The following KIF9 variants were observed in gnomAD, a reference collection of about 807,000 sequenced individuals.
The protein encoded by KIF9 is kinesin-like protein KIF9.
Under a neutral mutation model 94.8 loss-of-function variants are expected in KIF9, and 68 were observed. That is an observed-to-expected ratio of 0.72 (90% CI 0.59 to 0.88). KIF9 has a LOEUF of 0.88. Among genes scored for constraint, KIF9 ranks in the 40% least tolerant of loss-of-function variants. The pLI is 0.00. For synonymous variants in KIF9, 343 were observed against 362.1 expected, an observed-to-expected ratio of 0.95 and a Z score of 0.60; for missense variants, 882 against 982.5, an observed-to-expected ratio of 0.90 and a Z score of 1.37.
intron 20 of KIF9, among the ~76,000 whole-genome samples, chr3:47,233,715 A>G (rs576737205): frequency 1.1e-4 from 17 of 152,076 alleles, no homozygotes; most frequent in East Asian, 5.8e-4. Flanking sequence ...GAAAAGAAAA[A>G]AAAAAGACAC....
intron 2 of KIF9, among the ~76,000 whole-genome samples, chr3:47,275,861 G>A (rs1474161249): frequency 6.6e-6 from 1 of 152,236 alleles, no homozygotes; most frequent in African/African-American, 2.4e-5. Context: ...AGAGGGAATA[G>A]TGAGCCTGGT....
At chr3:47,246,463 T>A (rs904129079) in intron 12 of KIF9, 5 of 356,814 alleles carry the variant, frequency 1.4e-5, no homozygotes, top group Non-Finnish European at 2.0e-5. Flanking sequence ...TAAAACTAAG[T>A]ATTTGCTGAG....
intron 20 of KIF9, among the ~76,000 whole-genome samples, chr3:47,231,046 A>AAT (rs1698536897): frequency 6.6e-6 from 1 of 152,040 alleles, no homozygotes; most frequent in Admixed American, 6.6e-5. Context: ...CTAAAAAAAA[A>AAT]AGTTACCTAA....
rs950196503 is a variant in KIF9 at position 47,273,456 on chromosome 3, G to C, written c.366+96C>G. ...TCCACTGCAACTCCTTTGAGGCCTG[G>C]TCCCCACTGTCTCTAGTAGCTGGCC... On this transcript the variant is annotated intron_variant, in intron 4 of 20. Transcript: ENST00000684063. 3 of 898,738 alleles carry C rather than the reference G, an allele frequency of 3.3e-6. No homozygotes were observed. In the African/African-American group the frequency reaches 5.0e-5, roughly 15 times the overall value. The allele number at this position is 898,738 out of a possible 1,614,324, so 55.7% of individuals were successfully genotyped here.
chr3:47,244,898 G>A lies in KIF9; in HGVS notation c.1407C>T (p.His469=), dbSNP rs1214357553. The change falls in exon 15 of 21, where the codon CAC becomes CAT. Residue 469 remains histidine (H), a synonymous_variant. Transcript: ENST00000684063. ...TTTGTCCTTCAGGCTCACCCACTAG[G>A]TGGCCATCAACATCCACAAGCCCCG... ...QKAGLVDVDG[H]LVGEPEGQNF... 3 of 1,614,030 alleles carry A rather than the reference G, an allele frequency of 1.9e-6. No homozygotes were observed. In the Middle Eastern group the frequency reaches 4.9e-4, roughly 266 times the overall value.
Position 47,265,853 on chromosome 3 carries a change from C to T in KIF9, c.793G>A (p.Ala265Thr). The T allele has an allele frequency of 2.5e-6, 4 of 1,614,172 alleles. No homozygotes were observed. Among genetic ancestry groups the T allele is most frequent in the Non-Finnish European group, 3.4e-6 (4 of 1,180,026 alleles). The change falls in exon 8 of 21, where the codon GCC becomes ACC. Residue 265 changes from alanine to threonine, a missense_variant. Physicochemically the swap from Ala to Thr is moderately conservative, Grantham distance 58. Coordinates refer to ENST00000684063, the MANE Select transcript of KIF9 (RefSeq NM_182902.4). ...GAGAGCGATTTGTTGATGTAGGTGGCTTCCTTCAGGACTTGGCCCTCAGAC... is the reference window on the plus strand; with the variant it reads ...GAGAGCGATTTGTTGATGTAGGTGGTTTCCTTCAGGACTTGGCCCTCAGAC... Reference protein sequence around the residue: ...SGSEGQVLKEATYINKSLSFL... With the variant: ...SGSEGQVLKETTYINKSLSFL...
intron 10 of KIF9, among the ~76,000 whole-genome samples, chr3:47,251,903 T>C (rs930115802): frequency 3.9e-5 from 6 of 152,170 alleles, no homozygotes; most frequent in Admixed American, 3.9e-4. Flanking sequence ...CTGCAGGTTA[T>C]CAGGCCAACT....
At chr3:47,245,279 G>C (rs1173496648) in intron 14 of KIF9, 142 bp downstream of exon 14, 2 of 733,624 alleles carry the variant, frequency 2.7e-6, no homozygotes, top group Non-Finnish European at 4.9e-6. Flanking sequence ...CTTAACACAG[G>C]TCACCTGTGT....
At chr3:47,240,690 C>G (rs1272190035) in intron 17 of KIF9, 111 bp downstream of exon 17, 7 of 870,422 alleles carry the variant, frequency 8.0e-6, no homozygotes, top group African/African-American at 1.7e-5. Context: ...CATCCCAGCA[C>G]CCCCACTGGC....
Position 47,229,585 on chromosome 3 carries a change from T to A in KIF9, c.2323-883A>T, listed in dbSNP as rs181753412. 1.5e-4 allele frequency among the ~76,000 whole-genome samples: 23 copies of A among 152,316 alleles called. No individual in the cohort carries two copies. The East Asian group carries it at 3.3e-3, about 22-fold the overall frequency. On this transcript the variant is annotated intron_variant, in intron 20 of 20. Coordinates refer to ENST00000684063, the MANE Select transcript of KIF9 (RefSeq NM_182902.4). ...AACATAGAATTGAAAGAACATGGAA[T>A]GGTTCGAGTATAACATTTGCATAAA... is the stretch of plus-strand genomic sequence containing the variant.
At chr3:47,274,575 G>C (rs1701845228) in intron 3 of KIF9, among the ~76,000 whole-genome samples, 1 of 152,238 alleles carries the variant, frequency 6.6e-6, no homozygotes, top group Non-Finnish European at 1.5e-5. Context: ...GCCAGAAATG[G>C]TGTCTATTAA....
At chr3:47,237,196 C>G (rs182426658) in intron 17 of KIF9, among the ~76,000 whole-genome samples, 102 of 152,268 alleles carry the variant, frequency 6.7e-4, no homozygotes, top group Admixed American at 1.6e-3. Context: ...CGAGTTCAAG[C>G]GATTCTCCTC....
At chr3:47,236,654 G>A (rs752718257) in intron 17 of KIF9, 35 bp from the exon 18 acceptor site, 1 of 1,599,496 alleles carries the variant, frequency 6.3e-7, no homozygotes, top group South Asian at 1.1e-5. Flanking sequence ...GAAATGAGGA[G>A]GTGTCCACCT....
At position 47,240,997 on chromosome 3, in the gene KIF9, G is replaced by A; in HGVS notation, c.1728C>T (p.Ser576=). The A allele has an allele frequency of 3.7e-6, 6 of 1,614,174 alleles. No individual in the cohort carries two copies. Among genetic ancestry groups the A allele is most frequent in the Non-Finnish European group, 5.1e-6 (6 of 1,180,046 alleles). ...LRPIRPDTPP[S]KPVAFEEFKN... ...TAAACTCCTCAAAGGCCACTGGTTT[G>A]GAGGGTGGGGTGTCGGGCCTTGAGA... Residue 576 remains serine, a synonymous_variant, in exon 17 of 21, where the codon TCC becomes TCT. Transcript: ENST00000684063.
intron 17 of KIF9, among the ~76,000 whole-genome samples, chr3:47,236,827 G>A (rs941951198): frequency 7.2e-5 from 11 of 152,224 alleles, no homozygotes. Flanking sequence ...TCAGCTCAGT[G>A]GGGCCACACT....
chr3:47,272,558 G>A (rs1385393202), intron 4 of KIF9, among the ~76,000 whole-genome samples: 2 of 152,014 alleles, frequency 1.3e-5, no homozygotes, highest in Non-Finnish European at 2.9e-5. Context: ...TATAAAATAT[G>A]TACTGGATTT....
At position 47,240,950 on chromosome 3, in the gene KIF9, A is replaced by T; in HGVS notation, c.1775T>A (p.Ile592Asn). The change falls in exon 17 of 21, where the codon ATC becomes AAC. Residue 592 changes from isoleucine (I) to asparagine (N), a missense_variant. Coordinates refer to ENST00000684063, the MANE Select transcript of KIF9 (RefSeq NM_182902.4). Reference protein sequence around the residue: ...EEFKNEQGSEINRIFKENKSI... With the variant: ...EEFKNEQGSENNRIFKENKSI... ...TTTGTTTTCTTTGAAAATTCGGTTG[A>T]TCTCACTACCTTGCTCATTCTTAAA... is the stretch of plus-strand genomic sequence containing the variant. 6.2e-7 allele frequency: 1 copy of T among 1,614,050 alleles called. No homozygotes were observed. Among genetic ancestry groups the T allele is most frequent in the Non-Finnish European group, 8.5e-7 (1 of 1,180,006 alleles).
rs781008594 is a variant in KIF9, at chr3:47,236,062, A to G, written c.2189T>C (p.Met730Thr). The G allele has an allele frequency of 6.2e-7, 1 of 1,614,106 alleles. No individual in the cohort carries two copies. Among genetic ancestry groups the G allele is most frequent in the Non-Finnish European group, 8.5e-7 (1 of 1,179,964 alleles). Residue 730 changes from methionine (M) to threonine (T), a missense_variant, in exon 19 of 21, where the codon ATG (methionine) becomes ACG (threonine). By Grantham distance (81) the Met-to-Thr change is moderately conservative (BLOSUM62 -1). Coordinates refer to ENST00000684063, the MANE Select transcript of KIF9 (RefSeq NM_182902.4). ...LKPGGSIRPG[M>T]VPVNRIVSLG... ...AGACACAATCCTGTTCACAGGGACC[A>G]TGCCTGGCCGGATGCTGCCGCCTGG...
chr3:47,277,150 TG>T, intron 2 of KIF9, 131 bp downstream of exon 2: 1 of 484,744 alleles, frequency 2.1e-6, no homozygotes, highest in East Asian at 3.4e-5. Flanking sequence ...TTGGATTTGA[TG>T]GGCTCTAGAG....
Sources: gnomAD v4.1 joint callset for allele counts (sites outside exome capture counted in the v4.1 genomes callset) on GRCh38, gnomAD v4.1.1 for gene constraint, MANE v1.5 for transcripts, NCBI Gene and HGNC (gene_info 2026-07-23, HGNC 2026-07-21) for gene names.